PIN4: variants seen among roughly 807,000 people sequenced by gnomAD.
The protein encoded by PIN4 is peptidylprolyl cis/trans isomerase, NIMA-interacting 4, also known as peptidyl-prolyl cis-trans isomerase NIMA-interacting 4.
A neutral mutation model predicts 8.3 loss-of-function variants in PIN4; 3 were observed. The ratio of observed to expected loss-of-function variants is 0.36; its 90% CI spans 0.16 to 0.93. The LOEUF (loss-of-function observed/expected upper bound fraction) is 0.93. PIN4 is among the 40% of genes least tolerant of loss of function. The pLI is 0.44. For synonymous variants in PIN4, 18 were observed against 32.5 expected, an observed-to-expected ratio of 0.55 and a Z score of 1.52; for missense variants, 75 against 100.6, an observed-to-expected ratio of 0.75 and a Z score of 1.09.
rs367799837 is a variant in PIN4, at chrX:72,196,841, A to G, written c.174A>G (p.Leu58=). 5 of 1,203,656 alleles carry G rather than the reference A, an allele frequency of 4.2e-6. No individual in the cohort carries two copies. The highest frequency in any genetic ancestry group is 5.6e-6 in the Non-Finnish European group (5 of 889,448). ...HGKIMEAMEK[L]KSGMRFNEVA... ...AAATCATGGAAGCCATGGAAAAGTT[A>G]AAGTCTGGGATGAGATTCAATGAAG... is the stretch of plus-strand genomic sequence containing the variant. Residue 58 remains leucine (L), a synonymous_variant, in exon 3 of 4, where the codon TTA becomes TTG. Coordinates refer to ENST00000373669, the MANE Select transcript of PIN4 (RefSeq NM_006223.4).
chrX:72,221,772 A>G (rs770177815), intron 3 of PIN4, among the ~76,000 whole-genome samples: 2 of 110,098 alleles, frequency 1.8e-5, no homozygotes, highest in South Asian at 7.8e-4. Flanking sequence ...GCTTTCTTCT[A>G]CCTTAGCTCC....
intron 3 of PIN4, among the ~76,000 whole-genome samples, chrX:72,255,227 G>A (rs964489408): frequency 1.9e-5 from 2 of 107,790 alleles, no homozygotes; most frequent in Non-Finnish European, 3.8e-5. Flanking sequence ...CCATGATCAC[G>A]CCACTGAACT....
chrX:72,235,541 G>A (rs1216663443), intron 3 of PIN4, among the ~76,000 whole-genome samples: 16 of 110,438 alleles, frequency 1.4e-4, no homozygotes, highest in African/African-American at 5.0e-4. Context: ...GATTACAGGC[G>A]TGTACCACCA....
chrX:72,192,091 A>G (rs1428738995), intron 2 of PIN4, among the ~76,000 whole-genome samples: 1 of 110,571 alleles, frequency 9.0e-6, no homozygotes, highest in Non-Finnish European at 1.9e-5. Flanking sequence ...AGCTGGGATT[A>G]CAGGCATCCA....
chrX:72,239,067 C>T (rs1377488473), intron 3 of PIN4: 1 of 537,639 alleles, frequency 1.9e-6, no homozygotes, highest in Non-Finnish European at 2.9e-6. Context: ...CAACCGACGG[C>T]CTCGCGGCCG....
In PIN4 at chrX:72,205,353, G is replaced by C. The variant is rs766548767; in HGVS notation, c.312+8449G>C. The C allele has an allele frequency of 2.5e-6, 3 of 1,210,426 alleles. No homozygotes were observed. In the African/African-American group the frequency reaches 5.2e-5, roughly 21 times the overall value. On this transcript the variant is annotated intron_variant, in intron 3 of 3. Transcript: ENST00000423432. ...AAGGATCCTCTTCTGTATACTTGGA[G>C]GCTTCGCCACTGCTTTCCTCCACCC...
intron 3 of PIN4, among the ~76,000 whole-genome samples, chrX:72,229,601 T>C (rs1440811726): frequency 9.0e-6 from 1 of 111,576 alleles, no homozygotes; most frequent in African/African-American, 3.3e-5. Context: ...GCCTGTTCTT[T>C]TTGTGTGGCA....
intron 3 of PIN4, among the ~76,000 whole-genome samples, chrX:72,211,007 T>A (rs1039901947): frequency 3.6e-5 from 4 of 112,196 alleles, no homozygotes; most frequent in African/African-American, 9.7e-5. Flanking sequence ...TAAATGCTTT[T>A]AATAGCACTG....
At chrX:72,207,233 G>A (rs1236148995) in intron 3 of PIN4, 1 of 1,209,966 alleles carries the variant, frequency 8.3e-7, no homozygotes, top group African/African-American at 1.7e-5. Flanking sequence ...TCCAAAAGAT[G>A]AGTAACTGTC....
At chrX:72,203,708 C>T (rs777277710) in intron 3 of PIN4, among the ~76,000 whole-genome samples, 96 of 111,801 alleles carry the variant, frequency 8.6e-4, no homozygotes, top group Non-Finnish European at 1.6e-3. Context: ...AGGGAAGTCA[C>T]GGCCTCACTG....
chrX:72,250,949 A>C (rs1489958723), intron 3 of PIN4, among the ~76,000 whole-genome samples: 2 of 107,941 alleles, frequency 1.9e-5, no homozygotes, highest in Non-Finnish European at 3.8e-5. Flanking sequence ...TCATGTTGCC[A>C]GGCTGGTCTT....
intron 2 of PIN4, among the ~76,000 whole-genome samples, chrX:72,188,015 A>G (rs1465249880): frequency 2.1e-5 from 2 of 96,060 alleles, no homozygotes; most frequent in African/African-American, 8.0e-5. Flanking sequence ...CCTATGCCCC[A>G]CAGAGAGAGA....
At chrX:72,190,981 T>C (rs1392270745) in intron 2 of PIN4, among the ~76,000 whole-genome samples, 3 of 104,240 alleles carry the variant, frequency 2.9e-5, no homozygotes, top group Non-Finnish European at 5.9e-5. Flanking sequence ...TCCCCAGAAC[T>C]GCTGGGCCCT....
intron 3 of PIN4, among the ~76,000 whole-genome samples, chrX:72,210,727 C>A (rs1289644818): frequency 9.0e-6 from 1 of 111,631 alleles, no homozygotes; most frequent in Non-Finnish European, 1.9e-5. Context: ...ATACTTATTG[C>A]TGTGCTCTAC....
chrX:72,188,599 T>G (rs1180559156), intron 2 of PIN4, among the ~76,000 whole-genome samples: 1 of 112,412 alleles, frequency 8.9e-6, no homozygotes, highest in East Asian at 2.8e-4. Context: ...CCTCAGGTGA[T>G]CCATCTGCCT....
intron 3 of PIN4, among the ~76,000 whole-genome samples, chrX:72,232,607 G>C (rs1241813717): frequency 2.7e-5 from 3 of 111,560 alleles, no homozygotes; most frequent in African/African-American, 9.8e-5. Flanking sequence ...TCAAGAGTTG[G>C]AGACCAGCCT....
At chrX:72,202,009 T>C (rs2042791874), downstream of PIN4, among the ~76,000 whole-genome samples, 1 of 112,724 alleles carries the variant, frequency 8.9e-6, no homozygotes, top group African/African-American at 3.2e-5. Context: ...CCTGTGTAAA[T>C]GGAAAGGATG....
chrX:72,238,279 C>T (rs752660552), intron 3 of PIN4, among the ~76,000 whole-genome samples: 1 of 111,767 alleles, frequency 8.9e-6, no homozygotes, highest in East Asian at 2.8e-4. Context: ...CGCCCCCCAC[C>T]CTTAGCCAAC....
intron 2 of PIN4, among the ~76,000 whole-genome samples, chrX:72,196,340 C>T (rs1301862481): frequency 9.0e-6 from 1 of 110,836 alleles, no homozygotes; most frequent in Non-Finnish European, 1.9e-5. Context: ...TCAAGACCAG[C>T]CTGGCCAACA....
Sources: allele counts gnomAD v4.1 joint callset (sites outside exome capture counted in the v4.1 genomes callset), GRCh38; gene constraint gnomAD v4.1.1; transcripts MANE v1.5; gene names NCBI Gene and HGNC (gene_info 2026-07-23, HGNC 2026-07-21).